Variants in MNAT1 observed in about 807,000 individuals in gnomAD.
The protein encoded by MNAT1 is MNAT1 component of CDK activating kinase, also known as CDK-activating kinase assembly factor MAT1.
In MNAT1, 43 loss-of-function variants were observed where a neutral mutation model predicts 42.0. That is an observed-to-expected ratio of 1.02 (90% confidence interval 0.80 to 1.32). The LOEUF (loss-of-function observed/expected upper bound fraction) is 1.32. Ranked by LOEUF, MNAT1 falls within the 40% of genes most tolerant of loss-of-function variation. The pLI is 0.00. For synonymous variants in MNAT1, 118 were observed against 120.0 expected (o/e 0.98, Z 0.11); for missense variants, 306 against 350.4 (o/e 0.87, Z 1.01).
chr14:60,782,100 G>A (rs1362493234), intron 1 of MNAT1, among the ~76,000 whole-genome samples: 5 of 151,696 alleles, frequency 3.3e-5, no homozygotes, highest in African/African-American at 1.2e-4. Context: ...AAAAGATTGA[G>A]TAATTGAATA....
chr14:60,827,133 A>T (rs1045360138), intron 6 of MNAT1, among the ~76,000 whole-genome samples: 1 of 152,188 alleles, frequency 6.6e-6, no homozygotes, highest in Non-Finnish European at 1.5e-5. Context: ...TGTTTTATGG[A>T]TCACAAAGAT....
intron 7 of MNAT1, among the ~76,000 whole-genome samples, chr14:60,885,605 T>C (rs1300364863): frequency 1.3e-5 from 2 of 152,066 alleles, no homozygotes; most frequent in African/African-American, 4.8e-5. Flanking sequence ...AGTTGAGTTA[T>C]TTGGTTTTGT....
intron 1 of MNAT1, among the ~76,000 whole-genome samples, chr14:60,788,976 G>C (rs1473239073): frequency 6.6e-6 from 1 of 152,114 alleles, no homozygotes; most frequent in Non-Finnish European, 1.5e-5. Flanking sequence ...CTTTTCCTTT[G>C]CATTCATGAC....
intron 5 of MNAT1, among the ~76,000 whole-genome samples, chr14:60,817,884 GTGTTTGTGTGTGTGTGTT>G (rs1401489834): frequency 6.6e-6 from 1 of 151,886 alleles, no homozygotes; most frequent in Non-Finnish European, 1.5e-5. Flanking sequence ...CTCTGCTTGT[GTGTTTGTGTGTGTGTGTT>G]TGTTTGTGTG....
intron 7 of MNAT1, among the ~76,000 whole-genome samples, chr14:60,934,920 T>C (rs567462787): frequency 6.6e-6 from 1 of 152,318 alleles, no homozygotes; most frequent in South Asian, 2.1e-4. Flanking sequence ...CTAAACAAAG[T>C]GTGTAAACAA....
At chr14:60,958,634 C>CTTTTTT (rs71114172) in intron 7 of MNAT1, among the ~76,000 whole-genome samples, 21 of 93,880 alleles carry the variant, frequency 2.2e-4, no homozygotes, top group Non-Finnish European at 2.8e-4. Context: ...GAGACAAGGT[C>CTTTTTT]TTTTTTTTTT....
Position 60,785,715 on chromosome 14 carries a change from G to GT in MNAT1, c.90-10497dup, listed in dbSNP as rs538288553. Among the ~76,000 whole-genome samples, 190 of 152,220 alleles carry GT rather than the reference G, an allele frequency of 1.2e-3. 1 individual carries two copies. The highest frequency in any genetic ancestry group is 4.4e-3 in the African/African-American group (181 of 41,548). ...CTATAATTATTTGCTAGTATCAACT[G>GT]TTTTTAATTGATTCACAAGAATGTA... On this transcript the variant is annotated intron_variant, in intron 1 of 7. Coordinates refer to ENST00000261245, the MANE Select transcript of MNAT1 (RefSeq NM_002431.4).
chr14:60,815,811 T>A (rs1385281183), intron 5 of MNAT1, among the ~76,000 whole-genome samples: 1 of 152,250 alleles, frequency 6.6e-6, no homozygotes, highest in Non-Finnish European at 1.5e-5. Flanking sequence ...TACAACAGAT[T>A]GGTTTAGAAT....
intron 7 of MNAT1, among the ~76,000 whole-genome samples, chr14:60,905,656 G>A (rs4151336): frequency 6.6e-6 from 1 of 152,160 alleles, no homozygotes; most frequent in Non-Finnish European, 1.5e-5. Flanking sequence ...CGGGGGTGGA[G>A]GTGAAAGTCA....
intron 1 of MNAT1, among the ~76,000 whole-genome samples, chr14:60,743,743 A>G (rs1896538813): frequency 6.6e-6 from 1 of 152,218 alleles, no homozygotes; most frequent in South Asian, 2.1e-4. Context: ...AAAAGATATC[A>G]TTTCATTGTT....
At chr14:60,912,846 G>A (rs919354218) in intron 7 of MNAT1, among the ~76,000 whole-genome samples, 1 of 152,144 alleles carries the variant, frequency 6.6e-6, no homozygotes, top group Admixed American at 6.5e-5. Context: ...GGCGTTCTCT[G>A]TATTTCCTGA....
At chr14:60,954,652 G>A (rs576143829) in intron 7 of MNAT1, among the ~76,000 whole-genome samples, 1 of 152,150 alleles carries the variant, frequency 6.6e-6, no homozygotes, top group Admixed American at 6.5e-5. Context: ...AGTTGTTAGG[G>A]TTTTCTATAA....
intron 7 of MNAT1, among the ~76,000 whole-genome samples, chr14:60,955,536 C>T (rs541091953): frequency 1.3e-5 from 2 of 152,174 alleles, no homozygotes; most frequent in South Asian, 4.2e-4. Context: ...GTGGTGGGTG[C>T]CTGTAATCCC....
intron 7 of MNAT1, among the ~76,000 whole-genome samples, chr14:60,943,126 C>T (rs984338349): frequency 1.6e-5 from 2 of 124,648 alleles, no homozygotes; most frequent in African/African-American, 6.1e-5. Flanking sequence ...GCAATTTTGG[C>T]TCACTGCAAC....
intron 6 of MNAT1, among the ~76,000 whole-genome samples, chr14:60,827,319 A>G (rs976758438): frequency 2.0e-5 from 3 of 152,142 alleles, no homozygotes; most frequent in African/African-American, 7.2e-5. Flanking sequence ...AAAAAATATT[A>G]TCTATGGGTG....
At chr14:60,940,326 C>T (rs527582799) in intron 7 of MNAT1, among the ~76,000 whole-genome samples, 1 of 152,320 alleles carries the variant, frequency 6.6e-6, no homozygotes, top group South Asian at 2.1e-4. Flanking sequence ...TCTTCCTAGC[C>T]TCGATGGTCT....
At chr14:60,913,877 T>G (rs2035448187) in intron 7 of MNAT1, among the ~76,000 whole-genome samples, 1 of 152,198 alleles carries the variant, frequency 6.6e-6, no homozygotes, top group South Asian at 2.1e-4. Context: ...CATTTAAGAC[T>G]GCAGAGGTTA....
intron 7 of MNAT1, among the ~76,000 whole-genome samples, chr14:60,896,868 A>G (rs1273993846): frequency 6.6e-6 from 1 of 152,220 alleles, no homozygotes; most frequent in Non-Finnish European, 1.5e-5. Flanking sequence ...AATAAAAAAA[A>G]AAGACTTGTT....
At chr14:60,764,615 G>A (rs1412750236) in intron 1 of MNAT1, among the ~76,000 whole-genome samples, 3 of 152,170 alleles carry the variant, frequency 2.0e-5, no homozygotes, top group Non-Finnish European at 2.9e-5. Context: ...GTGATTCTGT[G>A]GCTGTGAGGG....
Sources: gnomAD v4.1 joint callset for allele counts (sites outside exome capture counted in the v4.1 genomes callset) on GRCh38, gnomAD v4.1.1 for gene constraint, MANE v1.5 for transcripts, NCBI Gene and HGNC (gene_info 2026-07-23, HGNC 2026-07-21) for gene names.